The following SPAG16 variants were observed in gnomAD, a reference collection of about 807,000 sequenced individuals.
SPAG16 encodes the protein sperm-associated antigen 16 protein.
Under a neutral mutation model 80.4 loss-of-function variants are expected in SPAG16, and 86 were observed. The observed-to-expected ratio is 1.07, with a 90% confidence interval of 0.90 to 1.28. The LOEUF (loss-of-function observed/expected upper bound fraction) is 1.28. Ranked by LOEUF, SPAG16 falls within the 50% of genes most tolerant of loss-of-function variation. SPAG16 has a pLI of 0.00. For missense variants in SPAG16, 870 were observed against 765.3 expected (o/e 1.14, Z -1.61); for synonymous variants, 294 against 265.9 (o/e 1.11, Z -1.03).
At chr2:213,362,234 T>G (rs541044670) in intron 7 of SPAG16, among the ~76,000 whole-genome samples, 102 of 152,336 alleles carry the variant, frequency 6.7e-4, no homozygotes, top group Middle Eastern at 6.8e-3. Flanking sequence ...TAATGTAGTG[T>G]TTGATTATAA....
intron 10 of SPAG16, among the ~76,000 whole-genome samples, chr2:213,546,291 T>C (rs150493736): frequency 6.6e-6 from 1 of 152,296 alleles, no homozygotes; most frequent in East Asian, 1.9e-4. Flanking sequence ...TTCATTATAT[T>C]GCAGGGTGGA....
At chr2:214,281,293 A>G (rs1692914051) in intron 15 of SPAG16, 1 of 235,876 alleles carries the variant, frequency 4.2e-6, no homozygotes. Flanking sequence ...GATATCTGTT[A>G]CACTATCATC....
chr2:213,590,100 A>G (rs1004505364), intron 10 of SPAG16, among the ~76,000 whole-genome samples: 2 of 152,124 alleles, frequency 1.3e-5, no homozygotes, highest in Admixed American at 1.3e-4. Flanking sequence ...CAAAAAATAT[A>G]TATTAAAAAG....
chr2:213,675,783 C>T (rs1444585155), intron 10 of SPAG16, among the ~76,000 whole-genome samples: 1 of 152,002 alleles, frequency 6.6e-6, no homozygotes, highest in Non-Finnish European at 1.5e-5. Flanking sequence ...GTTTTGGTTA[C>T]TGTAGCCTTG....
At chr2:213,304,886 A>AT (rs1222456325) in intron 3 of SPAG16, among the ~76,000 whole-genome samples, 1 of 151,778 alleles carries the variant, frequency 6.6e-6, no homozygotes, top group Non-Finnish European at 1.5e-5. Context: ...TTGTAGGATT[A>AT]TTTTTTCTGT....
chr2:213,991,021 A>T (rs781757324), intron 12 of SPAG16, among the ~76,000 whole-genome samples: 4 of 151,644 alleles, frequency 2.6e-5, no homozygotes, highest in Admixed American at 6.6e-5. Flanking sequence ...TTTTATTATT[A>T]TACTTTAAGT....
intron 9 of SPAG16, among the ~76,000 whole-genome samples, chr2:213,485,202 C>T (rs1197955857): frequency 6.6e-6 from 1 of 152,014 alleles, no homozygotes; most frequent in Non-Finnish European, 1.5e-5. Flanking sequence ...CTACATTGCC[C>T]AGGCTGGTCT....
intron 6 of SPAG16, among the ~76,000 whole-genome samples, chr2:213,342,325 ATG>A (rs2064734559): frequency 2.9e-5 from 3 of 105,024 alleles, no homozygotes; most frequent in Admixed American, 1.2e-4. Flanking sequence ...TGTTACATAT[ATG>A]TGTATATATA....
intron 15 of SPAG16, among the ~76,000 whole-genome samples, chr2:214,214,055 G>A (rs1450871152): frequency 3.3e-5 from 5 of 151,958 alleles, no homozygotes; most frequent in South Asian, 2.1e-4. Context: ...CTATTCCATC[G>A]CATGTGTCCT....
At chr2:213,475,235 C>A (rs927043360) in intron 9 of SPAG16, among the ~76,000 whole-genome samples, 1 of 152,132 alleles carries the variant, frequency 6.6e-6, no homozygotes, top group Non-Finnish European at 1.5e-5. Flanking sequence ...CTGCCAAGAT[C>A]CCCCTAAATT....
At chr2:214,277,121 A>G (rs1416548466) in intron 15 of SPAG16, among the ~76,000 whole-genome samples, 1 of 152,146 alleles carries the variant, frequency 6.6e-6, no homozygotes, top group East Asian at 1.9e-4. Flanking sequence ...TTCTCATGCC[A>G]TGGTTTTCAG....
At chr2:213,755,411 AAAT>A (rs995627786) in intron 10 of SPAG16, among the ~76,000 whole-genome samples, 3 of 152,238 alleles carry the variant, frequency 2.0e-5, no homozygotes, top group African/African-American at 4.8e-5. Flanking sequence ...TTTATTAAAA[AAAT>A]AAAATCCTGG....
At chr2:213,723,222 C>T (rs1005239978) in intron 10 of SPAG16, among the ~76,000 whole-genome samples, 6 of 152,104 alleles carry the variant, frequency 3.9e-5, no homozygotes, top group African/African-American at 1.4e-4. Flanking sequence ...CTTTATCATC[C>T]AGTAAGTAGC....
intron 13 of SPAG16, among the ~76,000 whole-genome samples, chr2:214,020,424 T>G (rs796638701): frequency 2.0e-5 from 3 of 152,280 alleles, no homozygotes; most frequent in African/African-American, 7.2e-5. Context: ...CCATGTTTCT[T>G]TTATAGCCTC....
At chr2:213,835,119 C>T (rs1346664764) in intron 10 of SPAG16, among the ~76,000 whole-genome samples, 1 of 151,856 alleles carries the variant, frequency 6.6e-6, no homozygotes, top group Non-Finnish European at 1.5e-5. Context: ...TTAGGAAACC[C>T]AAGTCCAAAG....
intron 12 of SPAG16, among the ~76,000 whole-genome samples, chr2:213,968,106 T>TCTTTC (rs1360541975): frequency 6.6e-6 from 1 of 151,766 alleles, no homozygotes; most frequent in Non-Finnish European, 1.5e-5. Context: ...TTTTTTCTTT[T>TCTTTC]CTTTTCCTCC....
intron 3 of SPAG16, among the ~76,000 whole-genome samples, chr2:213,299,180 A>G (rs1334433902): frequency 6.6e-6 from 1 of 152,210 alleles, no homozygotes; most frequent in African/African-American, 2.4e-5. Context: ...AATGGTTATG[A>G]TACTATTAGG....
intron 15 of SPAG16, among the ~76,000 whole-genome samples, chr2:214,154,928 G>A (rs2056146703): frequency 1.3e-5 from 2 of 152,098 alleles, no homozygotes; most frequent in African/African-American, 2.4e-5. Flanking sequence ...TGTAATATTT[G>A]GCAATAAAAA....
At chr2:213,315,695 T>C (rs141404604) in intron 4 of SPAG16, among the ~76,000 whole-genome samples, 1 of 352 alleles carries the variant, frequency 2.8e-3, no homozygotes, top group South Asian at 0.12. Flanking sequence ...TATTGAAAAC[T>C]TTTTTTTTTT....
Sources: allele counts gnomAD v4.1 joint callset (sites outside exome capture counted in the v4.1 genomes callset), GRCh38; gene constraint gnomAD v4.1.1; transcripts MANE v1.5; gene names NCBI Gene and HGNC (gene_info 2026-07-23, HGNC 2026-07-21).